The following TERB1 variants were observed in gnomAD, a reference collection of about 807,000 sequenced individuals.
The protein encoded by TERB1 is telomere repeat binding bouquet formation protein 1, also known as telomere repeats-binding bouquet formation protein 1.
Under a neutral mutation model 92.3 loss-of-function variants are expected in TERB1, and 63 were observed. The observed-to-expected ratio is 0.68, with a 90% confidence interval of 0.56 to 0.84. The LOEUF (loss-of-function observed/expected upper bound fraction) is 0.84, where lower values mean the gene tolerates loss of function less well. Ranked by LOEUF, TERB1 falls within the 40% of genes least tolerant of loss-of-function variation. The pLI is 0.00. For synonymous variants in TERB1, 252 were observed against 283.9 expected, an observed-to-expected ratio of 0.89 and a Z score of 1.13; for missense variants, 709 against 843.7, an observed-to-expected ratio of 0.84 and a Z score of 1.98.
chr16:66,767,387 AAAC>A (rs1333285662), intron 16 of TERB1, 25 bp downstream of exon 16: 3 of 1,290,134 alleles, frequency 2.3e-6, no homozygotes, highest in Non-Finnish European at 3.2e-6. Flanking sequence ...TTTGACTGTG[AAAC>A]AACTGCAATT....
chr16:66,768,369 A>G (rs886651825), intron 14 of TERB1, among the ~76,000 whole-genome samples: 1 of 152,188 alleles, frequency 6.6e-6, no homozygotes, highest in African/African-American at 2.4e-5. Context: ...CGAGTCAAAC[A>G]AGACTCCAGA....
At position 66,772,690 on chromosome 16, in the gene TERB1, A is replaced by C; in HGVS notation, c.1171T>G (p.Leu391Val). The C allele has an allele frequency of 6.5e-7, 1 of 1,549,540 alleles. No homozygotes were observed. Among genetic ancestry groups the C allele is most frequent in the South Asian group, 1.2e-5 (1 of 83,842 alleles). The change falls in exon 13 of 19, where the codon TTA (leucine) becomes GTA (valine). Residue 391 changes from leucine to valine, a missense_variant. Coordinates refer to ENST00000433154, the MANE Select transcript of TERB1 (RefSeq NM_001136505.2). ...TTCTCCTTCACACTTATGTCCTTTA[A>C]TTGCTGTGTTTCATTTTCATCAAAA... ...YPFDENETQQ[L>V]KDISVKENNL...
rs144414072 is a variant in TERB1 at position 66,793,060 on chromosome 16, C to T, written c.32-2041G>A. The stretch of plus-strand genomic sequence containing the variant: ...TCCAACCTGGACAATAAGAGCAAGA[C>T]TCTGTCTCAAAAAAACAAAACAAAA... On this transcript the variant is annotated intron_variant, in intron 3 of 18. Transcript: ENST00000433154. Among the ~76,000 whole-genome samples the T allele has an allele frequency of 9.6e-3, 1,453 of 150,828 alleles. 26 individuals carry two copies. Among genetic ancestry groups the T allele is most frequent in the African/African-American group, 0.034 (1,384 of 41,186 alleles).
At chr16:66,765,888 G>A (rs929315367) in intron 16 of TERB1, among the ~76,000 whole-genome samples, 8 of 103,694 alleles carry the variant, frequency 7.7e-5, no homozygotes, top group Admixed American at 2.9e-4. Flanking sequence ...TTTTTGAGAC[G>A]GAGTCTCGCT....
chr16:66,790,517 T>C (rs2018813887), intron 5 of TERB1, 78 bp downstream of exon 5: 8 of 1,079,778 alleles, frequency 7.4e-6, no homozygotes, highest in South Asian at 2.0e-5. Context: ...GGAAATTAAC[T>C]ATAAAATTAG....
chr16:66,766,202 A>G (rs1006965219), intron 16 of TERB1, among the ~76,000 whole-genome samples: 1 of 152,230 alleles, frequency 6.6e-6, no homozygotes, highest in African/African-American at 2.4e-5. Flanking sequence ...AAAAATGAGC[A>G]TAGTTCAAGG....
At chr16:66,770,436 A>T in intron 13 of TERB1, 127 bp from the exon 14 acceptor site, 1 of 660,976 alleles carries the variant, frequency 1.5e-6, no homozygotes, top group Non-Finnish European at 2.5e-6. Context: ...ATATGATAAA[A>T]GGCAGTTTAC....
intron 2 of TERB1, among the ~76,000 whole-genome samples, chr16:66,799,622 T>A (rs1959224534): frequency 6.6e-6 from 1 of 152,212 alleles, no homozygotes; most frequent in Admixed American, 6.5e-5. Context: ...TACTTTTTTC[T>A]TATAAATGGT....
intron 9 of TERB1, among the ~76,000 whole-genome samples, chr16:66,781,763 G>A (rs1379448661): frequency 2.6e-5 from 4 of 152,034 alleles, no homozygotes; most frequent in Non-Finnish European, 4.4e-5. Context: ...CTCGTGATCC[G>A]CCTGTCTCGG....
Position 66,786,235 on chromosome 16 carries a change from GT to G in TERB1, c.450del (p.Arg151GlyfsTer60). Reference sequence around the variant, plus strand: ...TTTGTATTTGTTTACCTGAATAACCGTGACAGAACTGTAATACAACCTGTTT... The same window carrying G: ...TTTGTATTTGTTTACCTGAATAACCGGACAGAACTGTAATACAACCTGTTT... ...VRETGCITVL[S>X]RLFRTVISKH... On this transcript the variant is annotated frameshift_variant, in exon 7 of 19. Transcript: ENST00000433154. LOFTEE classifies it high-confidence loss of function. 3.2e-6 allele frequency: 5 copies of G among 1,548,952 alleles called. No individual in the cohort carries two copies. Among genetic ancestry groups the G allele is most frequent in the Non-Finnish European group, 4.4e-6 (5 of 1,145,482 alleles).
intron 12 of TERB1, among the ~76,000 whole-genome samples, chr16:66,774,140 G>A (rs1237041697): frequency 3.5e-5 from 5 of 144,430 alleles, no homozygotes; most frequent in African/African-American, 7.8e-5. Context: ...CTAGGCCTCC[G>A]AAAGTGCTGG....
chr16:66,769,486 A>T (rs767142762), intron 14 of TERB1, among the ~76,000 whole-genome samples: 8 of 152,348 alleles, frequency 5.3e-5, no homozygotes, highest in Non-Finnish European at 1.2e-4. Context: ...AGGGAAAAAG[A>T]CTATGTTCTA....
chr16:66,759,280 T>A lies in TERB1; in HGVS notation c.1791A>T (p.Ala597=). ...TTCGGCTATTCAGGGATTTTTCTAC[T>A]GCTATGCAACCTAAAAGAAAACAAA... is the stretch of plus-strand genomic sequence containing the variant. ...MLTYRCSGCI[A]VEKSLNSRNF... The change falls in exon 17 of 19, where the codon GCA becomes GCT. Residue 597 remains alanine (A), a synonymous_variant. Coordinates refer to ENST00000433154, the MANE Select transcript of TERB1 (RefSeq NM_001136505.2). 6.5e-6 allele frequency: 10 copies of A among 1,535,054 alleles called. No individual in the cohort carries two copies. The highest frequency in any genetic ancestry group is 8.7e-6 in the Non-Finnish European group (10 of 1,142,906).
Position 66,796,782 on chromosome 16 carries a change from G to A in TERB1, c.17C>T (p.Thr6Ile). The change falls in exon 3 of 19, where the codon ACA (threonine) becomes ATA (isoleucine). Residue 6 changes from threonine (T) to isoleucine (I), a missense_variant. Transcript: ENST00000433154. ...CAATTTCTCACCTTGTGTTTTCTTTGTGTCTTCACTTTCCATGCTTGTCTA... is the reference window on the plus strand; with the variant it reads ...CAATTTCTCACCTTGTGTTTTCTTTATGTCTTCACTTTCCATGCTTGTCTA... MESED[T>I]KKTQEMKTDL... 1 of 1,537,850 alleles carries A rather than the reference G, an allele frequency of 6.5e-7. No individual in the cohort carries two copies. The highest frequency in any genetic ancestry group is 1.4e-5 in the African/African-American group (1 of 72,794).
chr16:66,763,837 T>C (rs549683668), intron 16 of TERB1, among the ~76,000 whole-genome samples: 83 of 152,314 alleles, frequency 5.4e-4, no homozygotes, highest in South Asian at 1.2e-3. Flanking sequence ...TGTCACCTAA[T>C]TGTATTAGTG....
At chr16:66,789,462 T>C (rs1477086461) in intron 5 of TERB1, among the ~76,000 whole-genome samples, 1 of 73,136 alleles carries the variant, frequency 1.4e-5, no homozygotes, top group Non-Finnish European at 2.4e-5. Flanking sequence ...CGGGCGCCTG[T>C]AGTCCCAGCT....
intron 11 of TERB1, 112 bp downstream of exon 11, chr16:66,777,091 A>G: frequency 1.0e-6 from 1 of 997,896 alleles, no homozygotes; most frequent in South Asian, 2.0e-5. Flanking sequence ...CTGAATGACT[A>G]GGAGAAAAGC....
At chr16:66,778,572 C>G (rs2145168355) in intron 10 of TERB1, among the ~76,000 whole-genome samples, 1 of 152,190 alleles carries the variant, frequency 6.6e-6, no homozygotes, top group Middle Eastern at 3.4e-3. Context: ...CACCCGCCAC[C>G]ACGTTTGGCT....
intron 6 of TERB1, 136 bp from the exon 7 acceptor site, chr16:66,786,421 G>T: frequency 1.6e-6 from 1 of 619,508 alleles, no homozygotes; most frequent in Non-Finnish European, 2.8e-6. Context: ...ATAGAATTAC[G>T]GTGGATAAAA....
Sources: allele counts gnomAD v4.1 joint callset (sites outside exome capture counted in the v4.1 genomes callset), GRCh38; gene constraint gnomAD v4.1.1; transcripts MANE v1.5; gene names NCBI Gene and HGNC (gene_info 2026-07-23, HGNC 2026-07-21).